ABCA8: variants seen among roughly 807,000 people sequenced by gnomAD.
ABCA8 encodes ATP binding cassette subfamily A member 8.
Under a neutral mutation model 192.3 loss-of-function variants are expected in ABCA8, and 177 were observed. That is an observed-to-expected ratio of 0.92 (90% CI 0.81 to 1.04). ABCA8 has a LOEUF of 1.04. Among genes scored for constraint, ABCA8 ranks in the 50% least tolerant of loss-of-function variants. The probability of loss-of-function intolerance (pLI) is 0.00; values close to 1 mark genes in which losing one functional copy is unlikely to be tolerated. For synonymous variants in ABCA8, 642 were observed against 690.2 expected (o/e 0.93, Z 1.09); for missense variants, 1,915 against 1,904.8 (o/e 1.01, Z -0.10).
chr17:68,948,882 A>G (rs1354648554), intron 2 of ABCA8, among the ~76,000 whole-genome samples: 2 of 152,076 alleles, frequency 1.3e-5, no homozygotes, highest in Admixed American at 1.3e-4. Flanking sequence ...TGGGTTTTAC[A>G]TTTAAGTCTT....
At chr17:68,930,042 C>A (rs1032352805) in intron 7 of ABCA8, among the ~76,000 whole-genome samples, 1 of 152,038 alleles carries the variant, frequency 6.6e-6, no homozygotes, top group Admixed American at 6.6e-5. Flanking sequence ...ATTTTATTTG[C>A]TGCATTCTTG....
intron 31 of ABCA8, 87 bp from the exon 32 acceptor site, chr17:68,881,298 C>G (rs888533114): frequency 1.1e-6 from 1 of 947,052 alleles, no homozygotes; most frequent in Non-Finnish European, 1.6e-6. Flanking sequence ...ATGTGACAAG[C>G]ATTTGCTATT....
Position 68,941,958 on chromosome 17 carries a change from A to T in ABCA8, c.77T>A (p.Met26Lys), listed in dbSNP as rs2068242348. ...TCATACCATTAAGGACTCTCTTTTC[A>T]TTCTCCATTTTTTAAGAAAGTTCTT... ...LCKNFLKKWRMKRESLMEWLN... is the reference protein window; with the variant it reads ...LCKNFLKKWRKKRESLMEWLN... The change falls in exon 3 of 40, where the codon ATG becomes AAG. Residue 26 changes from methionine to lysine, a missense_variant. Transcript: ENST00000586539. The T allele has an allele frequency of 1.9e-6, 3 of 1,611,314 alleles. No individual in the cohort carries two copies. The highest frequency in any genetic ancestry group is 2.5e-6 in the Non-Finnish European group (3 of 1,177,758).
At chr17:68,940,669 A>C in intron 4 of ABCA8, 89 bp downstream of exon 4, 2 of 1,238,184 alleles carry the variant, frequency 1.6e-6, no homozygotes, top group Non-Finnish European at 2.3e-6. Flanking sequence ...TAATTATCAA[A>C]CTGAAATACA....
chr17:68,924,344 C>CAA (rs71293545), intron 11 of ABCA8, among the ~76,000 whole-genome samples: 7,556 of 130,802 alleles, frequency 0.058, 283 homozygotes, highest in Non-Finnish European at 0.084. Flanking sequence ...AAAATTCCGT[C>CAA]AAAAAAAAAA....
chr17:68,905,062 G>A (rs2067029585), intron 19 of ABCA8, among the ~76,000 whole-genome samples: 1 of 152,188 alleles, frequency 6.6e-6, no homozygotes, highest in Non-Finnish European at 1.5e-5. Context: ...TCGAAGCTGG[G>A]AGTGGACTGA....
chr17:68,880,670 C>T (rs1362505936), intron 32 of ABCA8: 2 of 172,222 alleles, frequency 1.2e-5, no homozygotes, highest in Non-Finnish European at 1.2e-5. Flanking sequence ...GCGCCTGTGC[C>T]AGTGCCTGGA....
chr17:68,871,400 C>T (rs962558078), intron 37 of ABCA8, among the ~76,000 whole-genome samples: 23 of 152,086 alleles, frequency 1.5e-4, no homozygotes, highest in African/African-American at 4.1e-4. Context: ...AATTAAATTC[C>T]GACATGAGTT....
chr17:68,872,203 T>C (rs1329209229), intron 37 of ABCA8, among the ~76,000 whole-genome samples: 9 of 151,970 alleles, frequency 5.9e-5, no homozygotes, highest in African/African-American at 2.2e-4. Context: ...AATGATAGAC[T>C]GGATTAAGAA....
intron 7 of ABCA8, 64 bp downstream of exon 7, chr17:68,932,224 G>A: frequency 8.1e-7 from 1 of 1,230,790 alleles, no homozygotes; most frequent in Non-Finnish European, 1.1e-6. Context: ...AAAAAAAGAT[G>A]CATTGAAGAT....
intron 37 of ABCA8, among the ~76,000 whole-genome samples, 178 bp from the exon 38 acceptor site, chr17:68,869,957 T>C (rs2066005362): frequency 6.6e-6 from 1 of 152,160 alleles, no homozygotes; most frequent in Non-Finnish European, 1.5e-5. Flanking sequence ...ACTATGAGTA[T>C]GTAGGGTCCC....
At chr17:68,913,832 TAG>T (rs2067282967) in intron 17 of ABCA8, among the ~76,000 whole-genome samples, 1 of 151,826 alleles carries the variant, frequency 6.6e-6, no homozygotes, top group South Asian at 2.1e-4. Flanking sequence ...TTCTGAAAAA[TAG>T]AGGAGGAGAG....
chr17:68,905,622 A>G (rs1422808717), intron 19 of ABCA8, among the ~76,000 whole-genome samples: 1 of 152,112 alleles, frequency 6.6e-6, no homozygotes, highest in Non-Finnish European at 1.5e-5. Context: ...AAAAAAAAAG[A>G]AAAACCTGAC....
Position 68,877,542 on chromosome 17 carries a change from C to T in ABCA8, c.4176G>A (p.Gly1392=), listed in dbSNP as rs1480604307. ...ACCGTGTGATGGCAACCTCAGCATC[C>T]CCTTTCCTCAGCCCTTTCACGGCGG... The part of the protein sequence containing the change: ...VYAAVKGLRK[G]DAEVAITRLV... Residue 1392 remains glycine (G), a synonymous_variant, in exon 33 of 40, where the codon GGG becomes GGA. Coordinates refer to ENST00000586539, the MANE Select transcript of ABCA8 (RefSeq NM_001288985.2). 2 of 1,613,716 alleles carry T rather than the reference C, an allele frequency of 1.2e-6. No individual in the cohort carries two copies. The highest frequency in any genetic ancestry group is 1.7e-6 in the Non-Finnish European group (2 of 1,179,862).
intron 5 of ABCA8, among the ~76,000 whole-genome samples, chr17:68,935,029 A>G (rs1222920497): frequency 6.7e-6 from 1 of 149,968 alleles, no homozygotes; most frequent in Non-Finnish European, 1.5e-5. Flanking sequence ...GTAAATATTT[A>G]CATATTCTGG....
chr17:68,872,581 AAAAAAAT>A (rs942069135), intron 37 of ABCA8, among the ~76,000 whole-genome samples: 7 of 151,672 alleles, frequency 4.6e-5, no homozygotes, highest in Non-Finnish European at 7.4e-5. Flanking sequence ...GTATAATTAA[AAAAAAAT>A]AAAAAATAAA....
intron 17 of ABCA8, among the ~76,000 whole-genome samples, chr17:68,909,006 A>C (rs1334753175): frequency 6.6e-6 from 1 of 152,210 alleles, no homozygotes; most frequent in Non-Finnish European, 1.5e-5. Flanking sequence ...ACTTAAAAGA[A>C]TATATGCTAT....
rs753591032 is a variant in ABCA8, at chr17:68,919,389, T to G, written c.1700A>C (p.Asn567Thr). ...TACAGTGAGGAAGTCAAATTGCACA[T>G]TGGATTGTGGACAAACTCCGGTCAG... The part of the protein sequence containing the change: ...SKLTGVCPQS[N>T]VQFDFLTVRE... Residue 567 changes from asparagine (N) to threonine (T), a missense_variant, in exon 14 of 40, where the codon AAT becomes ACT. Asn to Thr is a moderately conservative substitution (Grantham distance 65). Transcript: ENST00000586539. 2 of 1,614,062 alleles carry G rather than the reference T, an allele frequency of 1.2e-6. No individual in the cohort carries two copies. Among genetic ancestry groups the G allele is most frequent in the Non-Finnish European group, 1.7e-6 (2 of 1,179,972 alleles).
Sources: gnomAD v4.1 joint callset for allele counts (sites outside exome capture counted in the v4.1 genomes callset) on GRCh38, gnomAD v4.1.1 for gene constraint, MANE v1.5 for transcripts, NCBI Gene and HGNC (gene_info 2026-07-23, HGNC 2026-07-21) for gene names.